The following PCDHGA6 variants were observed in gnomAD, a reference collection of about 807,000 sequenced individuals.
PCDHGA6 encodes protocadherin gamma subfamily A, 6.
A neutral mutation model predicts 60.6 loss-of-function variants in PCDHGA6; 41 were observed. The observed-to-expected ratio is 0.68, with a 90% confidence interval of 0.53 to 0.88. PCDHGA6 has a LOEUF of 0.88. Among genes scored for constraint, PCDHGA6 ranks in the 40% least tolerant of loss-of-function variants. The pLI is 0.00. For missense variants in PCDHGA6, 1,312 were observed against 1,203.0 expected (o/e 1.09, Z -1.34); for synonymous variants, 594 against 524.4 (o/e 1.13, Z -1.81).
chr5:141,481,730 G>A (rs778885944), intron 1 of PCDHGA6, among the ~76,000 whole-genome samples: 1 of 151,952 alleles, frequency 6.6e-6, no homozygotes, highest in African/African-American at 2.4e-5. Context: ...GAGGCGGGCG[G>A]ATCACGAGGT....
chr5:141,398,915 A>G, intron 1 of PCDHGA6: 1 of 1,614,002 alleles, frequency 6.2e-7, no homozygotes, highest in Non-Finnish European at 8.5e-7. Context: ...ACTGTGTTGC[A>G]AGTGTCAGCC....
At position 141,415,593 on chromosome 5, in the gene PCDHGA6, G is replaced by A. The variant is rs201857595; in HGVS notation, c.2424+39086G>A. ...TAGATGATTCGAAGTTTCCTATAGA[G>A]GATACCCCATTGGTTCCAGTGAGTT... On this transcript the variant is annotated intron_variant, in intron 1 of 3. Transcript: ENST00000517434. The A allele has an allele frequency of 7.6e-5, 122 of 1,613,876 alleles. No homozygotes were observed. In the East Asian group the frequency reaches 2.7e-3, roughly 35 times the overall value.
At chr5:141,419,796 T>C (rs1334397368) in intron 1 of PCDHGA6, 1 of 1,614,026 alleles carries the variant, frequency 6.2e-7, no homozygotes, top group Admixed American at 1.7e-5. Flanking sequence ...CTAGTCGCTG[T>C]AAGAGATGGA....
At chr5:141,458,094 A>G (rs1036190372) in intron 1 of PCDHGA6, among the ~76,000 whole-genome samples, 3 of 152,260 alleles carry the variant, frequency 2.0e-5, no homozygotes, top group African/African-American at 7.2e-5. Context: ...AGTTAAGAGT[A>G]CTTACAGATA....
chr5:141,428,266 G>A (rs764763674), intron 1 of PCDHGA6: 1 of 810,620 alleles, frequency 1.2e-6, no homozygotes. Context: ...TGACAGTCCT[G>A]TGCCCTCTGA....
chr5:141,386,746 C>A (rs2090695980), intron 1 of PCDHGA6, among the ~76,000 whole-genome samples: 1 of 152,144 alleles, frequency 6.6e-6, no homozygotes, highest in Non-Finnish European at 1.5e-5. Context: ...GATCCTATGG[C>A]AGAACTACGG....
chr5:141,413,262 G>A (rs2095621152), intron 1 of PCDHGA6: 2 of 1,613,960 alleles, frequency 1.2e-6, no homozygotes, highest in South Asian at 1.1e-5. Context: ...TTCCATGGGA[G>A]GCTGGAGCCC....
chr5:141,491,253 T>C lies in PCDHGA6; in HGVS notation c.2425-3554T>C, dbSNP rs71583648. The C allele has an allele frequency of 2.3e-3, 3,639 of 1,614,176 alleles. 33 individuals carry two copies. The African/African-American group carries it at 0.026, about 11-fold the overall frequency. Reference sequence around the variant, plus strand: ...TGCTGGTTCTGGAGGATGAGGACCCTGAGGAAATGCCCAAATCCAGTGACT... The same window carrying C: ...TGCTGGTTCTGGAGGATGAGGACCCCGAGGAAATGCCCAAATCCAGTGACT... On this transcript the variant is annotated intron_variant, in intron 1 of 3. Coordinates refer to ENST00000517434, the MANE Select transcript of PCDHGA6 (RefSeq NM_018919.3). This position sits in a 1 kb window ranked among gnomAD's most constrained non-coding sequence, Gnocchi z 6.9.
chr5:141,384,020 G>A (rs1158407540), intron 1 of PCDHGA6: 2 of 1,613,612 alleles, frequency 1.2e-6, no homozygotes, highest in Admixed American at 3.3e-5. Flanking sequence ...CTACAAGACA[G>A]AGATTCTGGA....
At chr5:141,419,439 C>G (rs375537017) in intron 1 of PCDHGA6, 1 of 1,613,154 alleles carries the variant, frequency 6.2e-7, no homozygotes, top group Non-Finnish European at 8.5e-7. Context: ...CAGCTGCGCA[C>G]CTTCGAGCTC....
At chr5:141,403,803 T>C (rs1323082699) in intron 1 of PCDHGA6, 5 of 1,613,668 alleles carry the variant, frequency 3.1e-6, no homozygotes. Context: ...TTCTGGAAAA[T>C]TAATGAAAAA....
chr5:141,471,926 G>A (rs2099266798), intron 1 of PCDHGA6, among the ~76,000 whole-genome samples: 2 of 152,110 alleles, frequency 1.3e-5, no homozygotes. Flanking sequence ...AATTTTGGGG[G>A]TGATGAGAGT....
At chr5:141,464,682 T>C (rs1442997972) in intron 1 of PCDHGA6, among the ~76,000 whole-genome samples, 1 of 152,132 alleles carries the variant, frequency 6.6e-6, no homozygotes, top group Non-Finnish European at 1.5e-5. Flanking sequence ...TTAATTAAAA[T>C]TTCTCTTATT....
At chr5:141,430,653 A>G (rs2097300223) in intron 1 of PCDHGA6, 4 of 1,073,410 alleles carry the variant, frequency 3.7e-6, no homozygotes, top group Middle Eastern at 2.4e-4. Context: ...TGTGGAAACA[A>G]CGGAGGAGCT....
chr5:141,394,987 T>G (rs2093144127), intron 1 of PCDHGA6: 1 of 1,613,874 alleles, frequency 6.2e-7, no homozygotes, highest in South Asian at 1.1e-5. Context: ...TCACGCCTGC[T>G]CCAGGATTCC....
intron 1 of PCDHGA6, chr5:141,427,796 C>A: frequency 6.7e-7 from 1 of 1,502,108 alleles, no homozygotes; most frequent in Non-Finnish European, 9.2e-7. Flanking sequence ...CCTACGTGTC[C>A]GTGAGCGCAC....
chr5:141,427,664 C>T (rs760682962), intron 1 of PCDHGA6: 11 of 775,778 alleles, frequency 1.4e-5, no homozygotes, highest in East Asian at 1.0e-4. Context: ...TCCACGTGGC[C>T]GAAAACAACC....
chr5:141,431,642 G>A lies in PCDHGA6; in HGVS notation c.2424+55135G>A, dbSNP rs762914489. The A allele has an allele frequency of 6.2e-7, 1 of 1,614,272 alleles. No homozygotes were observed. The highest frequency in any genetic ancestry group is 1.1e-5 in the South Asian group (1 of 91,090). On this transcript the variant is annotated intron_variant, in intron 1 of 3. Transcript: ENST00000517434. This position sits in a 1 kb window ranked among gnomAD's most constrained non-coding sequence, Gnocchi z 4.8. ...CAAGGCGGCCCAAGTTTTCAAACTA[G>A]ATTGTAATTCAGGGACAATATCAAC... is the stretch of plus-strand genomic sequence containing the variant.
chr5:141,450,556 G>A lies in PCDHGA6; in HGVS notation c.2425-44251G>A, dbSNP rs534127421. Among the ~76,000 whole-genome samples, 5 of 151,822 alleles carry A rather than the reference G, an allele frequency of 3.3e-5. 1 individual carries two copies. Among genetic ancestry groups the A allele is most frequent in the South Asian group, 2.1e-4 (1 of 4,804 alleles). On this transcript the variant is annotated intron_variant, in intron 1 of 3. Transcript: ENST00000517434. ...GGCTGGAATGCAGTGGCGCAGTCTCGGCTCACTGCAACTTCTGCCTCCCAG... is the reference window on the plus strand; with the variant it reads ...GGCTGGAATGCAGTGGCGCAGTCTCAGCTCACTGCAACTTCTGCCTCCCAG...
Sources: allele counts gnomAD v4.1 joint callset (sites outside exome capture counted in the v4.1 genomes callset), GRCh38; gene constraint gnomAD v4.1.1; non-coding constraint Gnocchi (gnomAD v3.1); transcripts MANE v1.5; gene names NCBI Gene and HGNC (gene_info 2026-07-23, HGNC 2026-07-21).